The following CACNA2D1 variants were observed in gnomAD, a reference collection of about 807,000 sequenced individuals.
CACNA2D1 encodes voltage-dependent calcium channel subunit alpha-2/delta-1.
In CACNA2D1, 53 loss-of-function variants were observed where a neutral mutation model predicts 171.5. The ratio of observed to expected loss-of-function variants is 0.31; its 90% confidence interval spans 0.25 to 0.39. The LOEUF is 0.39. Among genes scored for constraint, CACNA2D1 ranks in the 10% least tolerant of loss-of-function variants. The pLI, the probability that CACNA2D1 is intolerant of heterozygous loss-of-function variation, is 1.00. For missense variants in CACNA2D1, 903 were observed against 1,299.8 expected (o/e 0.69, Z 4.69); for synonymous variants, 442 against 443.1 (o/e 1.00, Z 0.03).
At chr7:82,381,590 G>A (rs950422154) in intron 1 of CACNA2D1, among the ~76,000 whole-genome samples, 1 of 152,078 alleles carries the variant, frequency 6.6e-6, no homozygotes, top group African/African-American at 2.4e-5. Context: ...CCTCTTATGG[G>A]AGGAAGTTTA....
intron 12 of CACNA2D1, among the ~76,000 whole-genome samples, chr7:82,017,727 C>G (rs1800676453): frequency 6.6e-6 from 1 of 152,100 alleles, no homozygotes; most frequent in African/African-American, 2.4e-5. Context: ...AAATTACCTT[C>G]TCAAAGATGT....
At chr7:82,381,808 A>C (rs886088800) in intron 1 of CACNA2D1, among the ~76,000 whole-genome samples, 9 of 152,196 alleles carry the variant, frequency 5.9e-5, no homozygotes, top group Admixed American at 5.2e-4. Context: ...TTCTCAGGTC[A>C]ATTTTTAATA....
rs928109050 is a variant in CACNA2D1 at position 82,102,488 on chromosome 7, ACACACACACACG to A, written c.526+14544_526+14555del. On this transcript the variant is annotated intron_variant, in intron 6 of 38. Transcript: ENST00000356860. ...CACATGCATATATACATATATATACACACACACACACGCACACACACATATATAATTTAAGTA... is the reference window on the plus strand; with the variant it reads ...CACATGCATATATACATATATATACACACACACACATATATAATTTAAGTA... 8.6e-5 allele frequency among the ~76,000 whole-genome samples: 13 copies of A among 151,418 alleles called. 1 individual carries two copies. The highest frequency in any genetic ancestry group is 3.9e-4 in the East Asian group (2 of 5,158).
At chr7:81,976,098 T>C (rs888166105) in intron 24 of CACNA2D1, among the ~76,000 whole-genome samples, 1 of 152,214 alleles carries the variant, frequency 6.6e-6, no homozygotes, top group African/African-American at 2.4e-5. Context: ...GTAGCACTTC[T>C]AGTTTTATCA....
intron 3 of CACNA2D1, among the ~76,000 whole-genome samples, chr7:82,296,254 TATAATAATA>T (rs1374733509): frequency 6.7e-6 from 1 of 150,144 alleles, no homozygotes; most frequent in East Asian, 1.9e-4. Flanking sequence ...AAACTTAAAG[TATAATAATA>T]ATTAAAAAAA....
intron 3 of CACNA2D1, among the ~76,000 whole-genome samples, chr7:82,183,643 A>G (rs973004274): frequency 2.0e-5 from 3 of 152,190 alleles, no homozygotes; most frequent in African/African-American, 4.8e-5. Context: ...TGAGAAAAAC[A>G]TTGCAAAAAG....
chr7:81,955,629 T>C (rs10258824), intron 38 of CACNA2D1, among the ~76,000 whole-genome samples: 61,173 of 151,580 alleles, frequency 0.4, 12,496 homozygotes, highest in East Asian at 0.51. Context: ...ATCAGAAGGA[T>C]ATAGATTATA....
At chr7:82,387,321 T>A (rs1229250371) in intron 1 of CACNA2D1, among the ~76,000 whole-genome samples, 1 of 152,026 alleles carries the variant, frequency 6.6e-6, no homozygotes, top group Non-Finnish European at 1.5e-5. Flanking sequence ...GCATTCTTAG[T>A]TGTTATTCCA....
chr7:82,123,749 A>T (rs762477197), intron 5 of CACNA2D1, among the ~76,000 whole-genome samples: 15 of 152,164 alleles, frequency 9.9e-5, no homozygotes, highest in Non-Finnish European at 2.9e-5. Flanking sequence ...GTTTTGCCTG[A>T]AAAATAAAAT....
At chr7:82,148,955 C>A (rs1224978795) in intron 4 of CACNA2D1, among the ~76,000 whole-genome samples, 2 of 152,118 alleles carry the variant, frequency 1.3e-5, no homozygotes, top group African/African-American at 4.8e-5. Flanking sequence ...TTCTTAATGC[C>A]TCTCATAGAA....
chr7:82,419,849 G>A (rs1273639517), intron 1 of CACNA2D1, among the ~76,000 whole-genome samples: 1 of 152,134 alleles, frequency 6.6e-6, no homozygotes, highest in Non-Finnish European at 1.5e-5. Flanking sequence ...TAAAACCTTA[G>A]ATCAGTGGTT....
At chr7:81,972,484 G>C (rs1051838078) in intron 25 of CACNA2D1, among the ~76,000 whole-genome samples, 43 of 151,940 alleles carry the variant, frequency 2.8e-4, no homozygotes, top group African/African-American at 1.0e-3. Context: ...TCACAGAGCA[G>C]TACAATCCCA....
chr7:82,071,794 T>A (rs1237641783), intron 7 of CACNA2D1, among the ~76,000 whole-genome samples: 1 of 152,200 alleles, frequency 6.6e-6, no homozygotes, highest in Non-Finnish European at 1.5e-5. Flanking sequence ...TGTAGCCATG[T>A]GATCAAATTC....
intron 5 of CACNA2D1, among the ~76,000 whole-genome samples, chr7:82,127,580 A>C (rs769047834): frequency 9.9e-5 from 15 of 152,186 alleles, no homozygotes; most frequent in South Asian, 2.1e-4. Flanking sequence ...CTATTGTATA[A>C]GGTATTATAC....
At chr7:82,310,160 A>T (rs1814251696) in intron 3 of CACNA2D1, among the ~76,000 whole-genome samples, 1 of 151,968 alleles carries the variant, frequency 6.6e-6, no homozygotes, top group Non-Finnish European at 1.5e-5. Flanking sequence ...ATCTACAAAC[A>T]CTGATATGAA....
intron 7 of CACNA2D1, among the ~76,000 whole-genome samples, chr7:82,074,025 A>G (rs1412304778): frequency 6.6e-6 from 1 of 152,220 alleles, no homozygotes; most frequent in African/African-American, 2.4e-5. Flanking sequence ...AAAAAAATTA[A>G]AAGTGGAGAA....
chr7:82,001,668 G>T, intron 18 of CACNA2D1: 1 of 1,248,136 alleles, frequency 8.0e-7, no homozygotes, highest in Admixed American at 2.2e-5. Context: ...CCTGGATATT[G>T]GGTCTCCTTT....
intron 9 of CACNA2D1, among the ~76,000 whole-genome samples, chr7:82,061,256 T>A (rs982323162): frequency 3.9e-5 from 6 of 152,174 alleles, no homozygotes; most frequent in African/African-American, 1.4e-4. Flanking sequence ...GTCTCAGCCA[T>A]CCAATTTGTT....
intron 1 of CACNA2D1, among the ~76,000 whole-genome samples, chr7:82,432,410 G>GTGA (rs1829762550): frequency 6.6e-6 from 1 of 152,274 alleles, no homozygotes; most frequent in Non-Finnish European, 1.5e-5. Context: ...AGGAACTGCC[G>GTGA]TGATGGCAAG....
Sources: gnomAD v4.1 joint callset for allele counts (sites outside exome capture counted in the v4.1 genomes callset) on GRCh38, gnomAD v4.1.1 for gene constraint, MANE v1.5 for transcripts, NCBI Gene and HGNC (gene_info 2026-07-23, HGNC 2026-07-21) for gene names.